The following LGALS9 variants were observed in gnomAD, a reference collection of about 807,000 sequenced individuals.
LGALS9 encodes galectin 9.
Under a neutral mutation model 35.9 loss-of-function variants are expected in LGALS9, and 26 were observed. That is an observed-to-expected ratio of 0.72 (90% CI 0.53 to 1.01). The LOEUF (loss-of-function observed/expected upper bound fraction) is 1.01, where lower values mean the gene tolerates loss of function less well. Among genes scored for constraint, LGALS9 ranks in the 50% least tolerant of loss-of-function variants. The pLI, the probability that LGALS9 is intolerant of heterozygous loss-of-function variation, is 0.00. For synonymous variants in LGALS9, 149 were observed against 172.2 expected (o/e 0.87, Z 1.06); for missense variants, 347 against 445.8 (o/e 0.78, Z 1.99).
chr17:27,647,529 G>A (rs547688696), intron 10 of LGALS9, 97 bp downstream of exon 10: 2 of 1,502,256 alleles, frequency 1.3e-6, no homozygotes, highest in South Asian at 2.5e-5. Flanking sequence ...TATGGGGGCT[G>A]ATTCCTCTGG....
intron 5 of LGALS9, 146 bp downstream of exon 5, chr17:27,643,766 C>A: frequency 1.5e-6 from 2 of 1,340,966 alleles, no homozygotes; most frequent in Non-Finnish European, 2.0e-6. Context: ...GTCCGCTGGG[C>A]ACCCAGAGCT....
intron 10 of LGALS9, 145 bp from the exon 11 acceptor site, chr17:27,648,691 G>C: frequency 7.4e-7 from 1 of 1,357,002 alleles, no homozygotes; most frequent in Non-Finnish European, 1.0e-6. Context: ...TTAGTGAAGA[G>C]CCGTCGTTCA....
Position 27,648,945 on chromosome 17 carries a change from T to TG in LGALS9, c.1037dup (p.Asp347ArgfsTer48), listed in dbSNP as rs775745717. ...CTGCCCACCATCAACAGACTGGAAGTGGGGGGCGACATCCAGCTGACCCAT... is the reference window on the plus strand; with the variant it reads ...CTGCCCACCATCAACAGACTGGAAGTGGGGGGGCGACATCCAGCTGACCCAT... On this transcript the variant is annotated frameshift_variant, in exon 11 of 11. Transcript: ENST00000395473. LOFTEE classifies it high-confidence loss of function. The TG allele has an allele frequency of 5.6e-6, 9 of 1,613,596 alleles. No individual in the cohort carries two copies. Among genetic ancestry groups the TG allele is most frequent in the South Asian group, 2.2e-5 (2 of 91,074 alleles).
At chr17:27,647,231 A>G in intron 9 of LGALS9, 39 bp from the exon 10 acceptor site, 1 of 1,613,480 alleles carries the variant, frequency 6.2e-7, no homozygotes, top group South Asian at 1.1e-5. Flanking sequence ...GGGACTCAGA[A>G]TTCGGTGGAT....
rs139133230 is a variant in LGALS9, at chr17:27,646,574, C to T, written c.655C>T (p.Pro219Ser). Reference protein sequence around the residue: ...STPAIPPMMYPHPAYPMPFIT... With the variant: ...STPAIPPMMYSHPAYPMPFIT... ...TCCCGCCATCCCACCTATGATGTAC[C>T]CCCACCCCGCCTATGTAAGTGGTTT... Residue 219 changes from proline to serine, a missense_variant, in exon 8 of 11, where the codon CCC becomes TCC. Physicochemically the swap from Pro to Ser is moderately conservative, Grantham distance 74 (BLOSUM62 -1). Transcript: ENST00000395473. 100 of 1,612,148 alleles carry T rather than the reference C, an allele frequency of 6.2e-5. No individual in the cohort carries two copies. Among genetic ancestry groups the T allele is most frequent in the Non-Finnish European group, 8.0e-5 (94 of 1,179,920 alleles).
chr17:27,634,016 G>A (rs140097779), intron 1 of LGALS9, among the ~76,000 whole-genome samples: 101 of 152,314 alleles, frequency 6.6e-4, no homozygotes, highest in African/African-American at 2.0e-3. Context: ...AAGCAGGTCC[G>A]GTTGTTTTCC....
Position 27,648,829 on chromosome 17 carries a change from T to C in LGALS9, c.922-7T>C, listed in dbSNP as rs1453321091. 1.2e-6 allele frequency: 2 copies of C among 1,613,548 alleles called. No individual in the cohort carries two copies. ...AGTGTAGTGCAAACGGCATGATCTC[T>C]GCACAGGTGTGGATCTTGTGTGAAG... is the stretch of plus-strand genomic sequence containing the variant. On this transcript the variant is annotated splice_polypyrimidine_tract_variant and splice_region_variant and intron_variant, in intron 10 of 10. Coordinates refer to ENST00000395473, the MANE Select transcript of LGALS9 (RefSeq NM_009587.3).
Position 27,638,109 on chromosome 17 carries a change from C to T in LGALS9, c.40-154C>T, listed in dbSNP as rs2074474364. On this transcript the variant is annotated intron_variant, in intron 1 of 10. Transcript: ENST00000395473. ...TTTGCCTCCACACAGGACCCTAAGA[C>T]CCGTGGGGCTGCGACTCCCTCTGTA... Among the ~76,000 whole-genome samples the T allele has an allele frequency of 2.0e-5, 3 of 151,812 alleles. No individual in the cohort carries two copies. The South Asian group carries it at 6.3e-4, about 32-fold the overall frequency.
chr17:27,643,563 G>A lies in LGALS9; in HGVS notation c.483G>A (p.Thr161=), dbSNP rs780264898. 10 of 1,611,688 alleles carry A rather than the reference G, an allele frequency of 6.2e-6. No homozygotes were observed. The African/African-American group carries it at 6.7e-5, about 11-fold the overall frequency. Residue 161 remains threonine (T), a synonymous_variant, in exon 5 of 11, where the codon ACG becomes ACA. Coordinates refer to ENST00000395473, the MANE Select transcript of LGALS9 (RefSeq NM_009587.3). ...RTVPVQPAFS[T]VPFSQPVCFP... is the part of the protein sequence containing the mutation. ...TCCCTGTTCAGCCTGCCTTCTCCAC[G>A]GTGCCGTTCTCCCAGCCTGTCTGTT...
chr17:27,646,952 T>C (rs1167634705), intron 8 of LGALS9, 78 bp from the exon 9 acceptor site: 1 of 1,597,342 alleles, frequency 6.3e-7, no homozygotes, highest in East Asian at 2.2e-5. Context: ...TCTTCTCAGC[T>C]GACAGCCCAA....
At chr17:27,644,002 C>T in intron 5 of LGALS9, 1 of 191,810 alleles carries the variant, frequency 5.2e-6, no homozygotes, top group Non-Finnish European at 1.1e-5. Flanking sequence ...ATCTTCACAG[C>T]CCCCAGCCCT....
intron 10 of LGALS9, 86 bp downstream of exon 10, chr17:27,647,518 G>T: frequency 1.3e-6 from 2 of 1,548,318 alleles, no homozygotes; most frequent in Non-Finnish European, 1.8e-6. Context: ...ACCTTGAACA[G>T]TATGGGGGCT....
chr17:27,647,547 G>T (rs1188911654), intron 10 of LGALS9, 115 bp downstream of exon 10: 3 of 1,419,536 alleles, frequency 2.1e-6, no homozygotes, highest in Admixed American at 2.5e-5. Context: ...TGGGATGAAG[G>T]CCCAAAAGAA....
At chr17:27,643,981 C>T in intron 5 of LGALS9, 1 of 214,836 alleles carries the variant, frequency 4.7e-6, no homozygotes, top group Non-Finnish European at 9.2e-6. Flanking sequence ...ACACCCTCTC[C>T]CTGCTTAAAA....
chr17:27,640,464 T>C lies in LGALS9; in HGVS notation c.132-108T>C, dbSNP rs540762296. The C allele has an allele frequency of 3.8e-5, 56 of 1,488,216 alleles. No homozygotes were observed. In the African/African-American group the frequency reaches 7.6e-4, roughly 20 times the overall value. The allele number at this position is 1,488,216 out of a possible 1,614,324, so 92.2% of individuals were successfully genotyped here. On this transcript the variant is annotated intron_variant, in intron 2 of 10. Coordinates refer to ENST00000395473, the MANE Select transcript of LGALS9 (RefSeq NM_009587.3). The stretch of plus-strand genomic sequence containing the variant: ...ACAAAGCAGTCTCTGCCATACAGGT[T>C]GTGTGCAAGATCCAGACAAATGCAA...
intron 5 of LGALS9, chr17:27,645,109 C>A (rs1425259041): frequency 1.6e-5 from 15 of 922,646 alleles, no homozygotes; most frequent in Non-Finnish European, 2.3e-5. Context: ...GGATACCCTA[C>A]CCCCCAACCC....
At chr17:27,631,510 A>T (rs2074392624) in intron 1 of LGALS9, among the ~76,000 whole-genome samples, 1 of 152,224 alleles carries the variant, frequency 6.6e-6, no homozygotes, top group Admixed American at 6.5e-5. Context: ...GCTCCTTCCC[A>T]CGAGTCATGG....
In LGALS9 at chr17:27,646,679, A is replaced by G. The variant is rs1176808731; in HGVS notation, c.669+91A>G. The G allele has an allele frequency of 1.9e-6, 3 of 1,590,768 alleles. No individual in the cohort carries two copies. In the African/African-American group the frequency reaches 4.0e-5, roughly 21 times the overall value. Reference sequence around the variant, plus strand: ...CTGTGGGGGGATCCACTGGCCTTGAAAAATTAAAAGCAGTCATTTGTTAAG... The same window carrying G: ...CTGTGGGGGGATCCACTGGCCTTGAGAAATTAAAAGCAGTCATTTGTTAAG... On this transcript the variant is annotated intron_variant, in intron 8 of 10. Coordinates refer to ENST00000395473, the MANE Select transcript of LGALS9 (RefSeq NM_009587.3).
At chr17:27,642,448 C>G in intron 4 of LGALS9, 100 bp downstream of exon 4, 1 of 1,535,596 alleles carries the variant, frequency 6.5e-7, no homozygotes, top group Non-Finnish European at 8.8e-7. Flanking sequence ...AATCTCCTAC[C>G]CAGGTCACTC....
Sources: allele counts gnomAD v4.1 joint callset (sites outside exome capture counted in the v4.1 genomes callset), GRCh38; gene constraint gnomAD v4.1.1; transcripts MANE v1.5; gene names NCBI Gene and HGNC (gene_info 2026-07-23, HGNC 2026-07-21).